The following SLC66A2 variants were observed in gnomAD, a reference collection of about 807,000 sequenced individuals.
The protein encoded by SLC66A2 is solute carrier family 66 member 2.
Under a neutral mutation model 25.5 loss-of-function variants are expected in SLC66A2, and 23 were observed. The observed-to-expected ratio is 0.90, with a 90% confidence interval of 0.65 to 1.28. The LOEUF is 1.28. Ranked by LOEUF, SLC66A2 falls within the 50% of genes most tolerant of loss-of-function variation. The pLI is 0.00. For missense variants in SLC66A2, 396 were observed against 373.1 expected, an observed-to-expected ratio of 1.06 and a Z score of -0.51; for synonymous variants, 193 against 166.5, an observed-to-expected ratio of 1.16 and a Z score of -1.23.
rs571739340 is a variant in SLC66A2 at position 79,951,596 on chromosome 18, C to G, written c.-115G>C. The G allele has an allele frequency of 2.0e-5, 3 of 151,582 alleles. No homozygotes were observed. Among genetic ancestry groups the G allele is most frequent in the Admixed American group, 6.6e-5 (1 of 15,146 alleles). 9.4% of individuals were successfully genotyped at this position (151,582 alleles called of 1,614,324 possible). A position where few individuals can be genotyped will look rare whatever the true frequency, so the allele number is the denominator to read the frequency against. ...CGCTCCTTACCTGCGCCCCCAGCCC[C>G]GCGCCCAGCGCCCCGCGTCCCCGCG... is the stretch of plus-strand genomic sequence containing the variant. On this transcript the variant is annotated 5_prime_UTR_variant, in exon 1 of 6. Transcript: ENST00000397778.
intron 2 of SLC66A2, among the ~76,000 whole-genome samples, chr18:79,947,970 C>T (rs1342784171): frequency 6.6e-6 from 1 of 152,062 alleles, no homozygotes; most frequent in Non-Finnish European, 1.5e-5. Flanking sequence ...GCAGGGATGG[C>T]GCATCCTCAG....
intron 5 of SLC66A2, 125 bp downstream of exon 5, chr18:79,919,059 G>A (rs534242382): frequency 4.9e-5 from 42 of 860,838 alleles, no homozygotes; most frequent in Admixed American, 2.0e-4. Context: ...TTCTTTAACC[G>A]GCAGCTTCAC....
In SLC66A2 at chr18:79,936,717, C is replaced by G. The variant is rs193011601; in HGVS notation, c.338-2695G>C. ...TATAAAAGCAATATTTAAAATGAAACAAATGACCCCGTGTATCCAGTTGCT... is the reference window on the plus strand; with the variant it reads ...TATAAAAGCAATATTTAAAATGAAAGAAATGACCCCGTGTATCCAGTTGCT... On this transcript the variant is annotated intron_variant, in intron 3 of 5. Transcript: ENST00000397778. 2.6e-5 allele frequency among the ~76,000 whole-genome samples: 4 copies of G among 152,270 alleles called. No individual in the cohort carries two copies. The East Asian group carries it at 7.7e-4, about 29-fold the overall frequency.
rs539078817 is a variant in SLC66A2 at position 79,938,099 on chromosome 18, T to TC, written c.338-4078_338-4077insG. Among the ~76,000 whole-genome samples the TC allele has an allele frequency of 3.7e-3, 544 of 146,712 alleles. 6 individuals are homozygous for TC. Among genetic ancestry groups the TC allele is most frequent in the African/African-American group, 0.013 (526 of 39,416 alleles). On this transcript the variant is annotated intron_variant, in intron 3 of 5. Transcript: ENST00000397778. Reference sequence around the variant, plus strand: ...AATTCAAGGTGATAATGAGCTTTGATAACACCACTGCACTCCAGCCTGGGC... The same window carrying TC: ...AATTCAAGGTGATAATGAGCTTTGATCAACACCACTGCACTCCAGCCTGGGC...
chr18:79,906,935 T>C (rs546109163), intron 5 of SLC66A2, among the ~76,000 whole-genome samples: 4 of 152,320 alleles, frequency 2.6e-5, no homozygotes, highest in East Asian at 1.9e-4. Context: ...AAGGCAAATG[T>C]CCTTTACTTT....
chr18:79,907,348 TGGTTG>T (rs1568289330), intron 5 of SLC66A2, among the ~76,000 whole-genome samples: 1 of 118,116 alleles, frequency 8.5e-6, no homozygotes, highest in Non-Finnish European at 1.7e-5. Context: ...TTTTTTTTTT[TGGTTG>T]TTTTTTTTTT....
Position 79,943,373 on chromosome 18 carries a change from A to T in SLC66A2, c.293T>A (p.Val98Asp), listed in dbSNP as rs1189490587. The change falls in exon 3 of 6, where the codon GTC (valine) becomes GAC (aspartate). Residue 98 changes from valine (V) to aspartate (D), a missense_variant. By Grantham distance (152) the Val-to-Asp change is radical. Transcript: ENST00000397778. ...MLLMLKLCTE[V>D]RVANELNARR... The stretch of plus-strand genomic sequence containing the variant: ...GGCGTTGAGCTCGTTGGCCACACGG[A>T]CCTCGGTGCACAGCTTCAGCATCAG... 1.4e-5 allele frequency: 22 copies of T among 1,613,988 alleles called. No homozygotes were observed. The highest frequency in any genetic ancestry group is 1.7e-5 in the Non-Finnish European group (20 of 1,180,018).
chr18:79,932,883 A>G (rs1986708800), intron 4 of SLC66A2, among the ~76,000 whole-genome samples: 1 of 152,226 alleles, frequency 6.6e-6, no homozygotes. Context: ...TTTAAAGAGA[A>G]ATTAGTGTCA....
At chr18:79,939,532 T>C (rs1344048339) in intron 3 of SLC66A2, among the ~76,000 whole-genome samples, 2 of 152,050 alleles carry the variant, frequency 1.3e-5, no homozygotes, top group Non-Finnish European at 2.9e-5. Context: ...AACTTAAATT[T>C]ACAAGAAAAA....
At position 79,917,185 on chromosome 18, in the gene SLC66A2, G is replaced by T. The variant is rs978760192; in HGVS notation, c.608+1999C>A. On this transcript the variant is annotated intron_variant, in intron 5 of 5. Coordinates refer to ENST00000397778, the MANE Select transcript of SLC66A2 (RefSeq NM_025078.5). This position sits in a 1 kb window ranked among gnomAD's most constrained non-coding sequence, Gnocchi z 6.0. ...CTAAGACAGGCCTGCCTGCAGGGCCGCCTCGGCCAGCATCTGGAAACTCGG... is the reference window on the plus strand; with the variant it reads ...CTAAGACAGGCCTGCCTGCAGGGCCTCCTCGGCCAGCATCTGGAAACTCGG... Among the ~76,000 whole-genome samples the T allele has an allele frequency of 6.6e-6, 1 of 152,256 alleles. No homozygotes were observed.
In SLC66A2 at chr18:79,904,091, C is replaced by T. The variant is rs1177514004; in HGVS notation, c.701G>A (p.Gly234Asp). Residue 234 changes from glycine to aspartate, a missense_variant, in exon 6 of 6, where the codon GGC becomes GAC. Coordinates refer to ENST00000397778, the MANE Select transcript of SLC66A2 (RefSeq NM_025078.5). The surrounding 1 kb of genome is among the most constrained non-coding windows in gnomAD (Gnocchi z 6.3). Reference protein sequence around the residue: ...KGAPLQFSVCGLLQVLVDLAI... With the variant: ...KGAPLQFSVCDLLQVLVDLAI... ...CAGGTCCACCAGCACCTGCAGCAGG[C>T]CGCACACGGAGAACTGCAGAGGGGC... 1.2e-6 allele frequency: 2 copies of T among 1,612,606 alleles called. No individual in the cohort carries two copies. Among genetic ancestry groups the T allele is most frequent in the Admixed American group, 3.3e-5 (2 of 59,956 alleles).
rs529381694 is a variant in SLC66A2 at position 79,927,821 on chromosome 18, G to A, written c.391+6148C>T. On this transcript the variant is annotated intron_variant, in intron 4 of 5. Coordinates refer to ENST00000397778, the MANE Select transcript of SLC66A2 (RefSeq NM_025078.5). This position sits in a 1 kb window ranked among gnomAD's most constrained non-coding sequence, Gnocchi z 6.2. ...CAAGCAACTGCCGAGACAGGTGTCC[G>A]CGTCCCAACCCAAGGCTGCCCAGAC... 4.3e-4 allele frequency among the ~76,000 whole-genome samples: 65 copies of A among 152,256 alleles called. 2 individuals are homozygous for A. In the South Asian group the frequency reaches 9.7e-3, roughly 23 times the overall value.
rs769787726 is a variant in SLC66A2, at chr18:79,937,524, G to A, written c.338-3502C>T. On this transcript the variant is annotated intron_variant, in intron 3 of 5. Coordinates refer to ENST00000397778, the MANE Select transcript of SLC66A2 (RefSeq NM_025078.5). The surrounding 1 kb of genome is among the most constrained non-coding windows in gnomAD (Gnocchi z 5.4). ...CGCATTTCCTTTATAAATTACACCT[G>A]TGGATAGCTGAACAATGGGTACCCG... 2.3e-4 allele frequency among the ~76,000 whole-genome samples: 35 copies of A among 152,292 alleles called. No homozygotes were observed. The highest frequency in any genetic ancestry group is 4.6e-4 in the Non-Finnish European group (31 of 68,032).
intron 5 of SLC66A2, among the ~76,000 whole-genome samples, chr18:79,905,418 G>A (rs1179879978): frequency 1.3e-5 from 2 of 151,330 alleles, no homozygotes; most frequent in Non-Finnish European, 2.9e-5. Flanking sequence ...CAGGCCCCTC[G>A]GCCTCTCACA....
chr18:79,920,323 G>T (rs868065333), intron 4 of SLC66A2, among the ~76,000 whole-genome samples: 1 of 19,876 alleles, frequency 5.0e-5, no homozygotes, highest in African/African-American at 1.2e-4. Context: ...AGGAACCGAG[G>T]GAGAGGTCAA....
At chr18:79,936,791 G>A (rs1987135083) in intron 3 of SLC66A2, among the ~76,000 whole-genome samples, 1 of 152,344 alleles carries the variant, frequency 6.6e-6, no homozygotes, top group African/African-American at 2.4e-5. Flanking sequence ...GTATCATGCA[G>A]CAGCGACCTG....
intron 3 of SLC66A2, among the ~76,000 whole-genome samples, chr18:79,939,546 G>A (rs888727515): frequency 6.6e-6 from 1 of 152,060 alleles, no homozygotes; most frequent in Admixed American, 6.5e-5. Flanking sequence ...AGAAAAAAAT[G>A]AATAACCCCA....
chr18:79,933,992 A>G lies in SLC66A2; in HGVS notation c.368T>C (p.Val123Ala). 8.7e-6 allele frequency: 14 copies of G among 1,612,936 alleles called. No individual in the cohort carries two copies. The highest frequency in any genetic ancestry group is 1.2e-5 in the Non-Finnish European group (14 of 1,179,766). The change falls in exon 4 of 6, where the codon GTT becomes GCT. Residue 123 changes from valine to alanine, a missense_variant. Physicochemically the swap from Val to Ala is moderately conservative, Grantham distance 64. Coordinates refer to ENST00000397778, the MANE Select transcript of SLC66A2 (RefSeq NM_025078.5). ...ACCCAGGAAGGACCGCCTGGGGGCA[A>G]CCTTGACTTCTTCATCCTTGCTATC... Reference protein sequence around the residue: ...AADSKDEEVKVAPRRSFLDFD... With the variant: ...AADSKDEEVKAAPRRSFLDFD...
chr18:79,909,739 A>T (rs1375698368), intron 5 of SLC66A2, among the ~76,000 whole-genome samples: 3 of 34,824 alleles, frequency 8.6e-5, no homozygotes, highest in South Asian at 1.1e-3. Context: ...CTTCCCCACC[A>T]CCTCACCAGA....
Sources: allele counts gnomAD v4.1 joint callset (sites outside exome capture counted in the v4.1 genomes callset), GRCh38; gene constraint gnomAD v4.1.1; non-coding constraint Gnocchi (gnomAD v3.1); transcripts MANE v1.5; gene names NCBI Gene and HGNC (gene_info 2026-07-23, HGNC 2026-07-21).